GPM6A: variants seen among roughly 807,000 people sequenced by gnomAD.
GPM6A encodes neuronal membrane glycoprotein M6-a.
In GPM6A, 7 loss-of-function variants were observed where a neutral mutation model predicts 32.1. That is an observed-to-expected ratio of 0.22 (90% CI 0.12 to 0.41). The LOEUF is 0.41. Ranked by LOEUF, GPM6A falls within the 10% of genes least tolerant of loss-of-function variation. The pLI is 1.00. For synonymous variants in GPM6A, 130 were observed against 123.4 expected (o/e 1.05, Z -0.35); for missense variants, 235 against 347.2 (o/e 0.68, Z 2.57).
At chr4:175,666,586 T>A (rs954146344) in intron 3 of GPM6A, among the ~76,000 whole-genome samples, 1 of 152,198 alleles carries the variant, frequency 6.6e-6, no homozygotes, top group Non-Finnish European at 1.5e-5. Flanking sequence ...TATCAGTTCT[T>A]TAAAAGACCA....
intron 1 of GPM6A, among the ~76,000 whole-genome samples, chr4:175,981,891 C>T (rs1052880958): frequency 1.3e-5 from 2 of 151,974 alleles, no homozygotes; most frequent in Non-Finnish European, 2.9e-5. Flanking sequence ...TTGGTATTGT[C>T]AGGTTTTTTT....
chr4:175,826,839 T>C (rs1345176267), intron 1 of GPM6A, among the ~76,000 whole-genome samples: 1 of 152,138 alleles, frequency 6.6e-6, no homozygotes, highest in Non-Finnish European at 1.5e-5. Flanking sequence ...AAAAGAGTCC[T>C]AATGTTGATT....
intron 1 of GPM6A, among the ~76,000 whole-genome samples, chr4:175,706,961 A>G (rs1388132832): frequency 1.2e-4 from 19 of 152,228 alleles, no homozygotes; most frequent in Admixed American, 1.2e-3. Context: ...CACTCCCACC[A>G]GTGCTATGAC....
chr4:175,793,513 A>C (rs1734093705), intron 1 of GPM6A, among the ~76,000 whole-genome samples: 2 of 152,064 alleles, frequency 1.3e-5, no homozygotes, highest in Admixed American at 6.6e-5. Context: ...AGTAGCTGGG[A>C]ATATAGGCAT....
At chr4:175,862,729 T>C (rs921579189) in intron 1 of GPM6A, among the ~76,000 whole-genome samples, 1 of 151,756 alleles carries the variant, frequency 6.6e-6, no homozygotes, top group African/African-American at 2.4e-5. Flanking sequence ...GTTTTATGTT[T>C]TTGTCTTTTT....
At chr4:175,726,565 A>C (rs538577838) in intron 1 of GPM6A, among the ~76,000 whole-genome samples, 2 of 152,312 alleles carry the variant, frequency 1.3e-5, no homozygotes, top group African/African-American at 4.8e-5. Context: ...CTGAAGCTTT[A>C]CATTTTATAA....
intron 1 of GPM6A, among the ~76,000 whole-genome samples, chr4:175,770,452 G>A (rs950668667): frequency 2.0e-5 from 3 of 152,054 alleles, no homozygotes; most frequent in Non-Finnish European, 4.4e-5. Flanking sequence ...CATATAATTC[G>A]TGTTAGTAAT....
In GPM6A at chr4:175,919,756, A is replaced by C. The variant is rs1227594541; in HGVS notation, c.-23+82553T>G. On this transcript the variant is annotated intron_variant, in intron 1 of 7. Transcript: ENST00000280187. ...CCCAAGCTGTGATGAAGCTGGGTACAGTTATTGACCAAGTTATGGACAAGG... is the reference window on the plus strand; with the variant it reads ...CCCAAGCTGTGATGAAGCTGGGTACCGTTATTGACCAAGTTATGGACAAGG... 1.3e-5 allele frequency among the ~76,000 whole-genome samples: 2 copies of C among 152,218 alleles called. 1 individual carries two copies. Among genetic ancestry groups the C allele is most frequent in the South Asian group, 4.1e-4 (2 of 4,828 alleles).
chr4:175,694,478 A>G (rs769214942), intron 2 of GPM6A, among the ~76,000 whole-genome samples: 1 of 152,200 alleles, frequency 6.6e-6, no homozygotes, highest in Non-Finnish European at 1.5e-5. Flanking sequence ...TTTGTTATGC[A>G]TTAGCAAAGA....
chr4:175,936,328 A>C (rs78576533), intron 1 of GPM6A, among the ~76,000 whole-genome samples: 1,613 of 149,686 alleles, frequency 0.011, 16 homozygotes, highest in Non-Finnish European at 0.017. Context: ...AAAAAAAAAA[A>C]AAAAAAAACT....
chr4:175,967,307 C>T (rs918612396), intron 1 of GPM6A, among the ~76,000 whole-genome samples: 12 of 151,708 alleles, frequency 7.9e-5, no homozygotes, highest in East Asian at 1.9e-4. Context: ...TAAAGAATAG[C>T]TAAGAAAAAT....
chr4:175,704,319 TCTCA>T (rs1355871581), intron 1 of GPM6A, among the ~76,000 whole-genome samples: 4 of 150,022 alleles, frequency 2.7e-5, no homozygotes, highest in Non-Finnish European at 5.9e-5. Context: ...TCTCTCTTTC[TCTCA>T]CACACACACA....
Position 175,875,114 on chromosome 4 carries a change from G to A in GPM6A, c.-22-62865C>T, listed in dbSNP as rs141187682. ...AGCTTAGACAGAAAATTTACTCCTGGGACTTTGAACCTTGATGCAAGAATA... is the reference window on the plus strand; with the variant it reads ...AGCTTAGACAGAAAATTTACTCCTGAGACTTTGAACCTTGATGCAAGAATA... On this transcript the variant is annotated intron_variant, in intron 1 of 7. Transcript: ENST00000280187. Among the ~76,000 whole-genome samples the A allele has an allele frequency of 3.7e-3, 564 of 152,200 alleles. 3 individuals are homozygous for A. The highest frequency in any genetic ancestry group is 0.012 in the African/African-American group (516 of 41,514).
At position 175,752,540 on chromosome 4, in the gene GPM6A, G is replaced by A. The variant is rs111932294; in HGVS notation, c.38-50773C>T. Among the ~76,000 whole-genome samples the A allele has an allele frequency of 1.8e-3, 275 of 152,110 alleles. 1 individual carries two copies. Among genetic ancestry groups the A allele is most frequent in the African/African-American group, 5.4e-3 (225 of 41,526 alleles). On this transcript the variant is annotated intron_variant, in intron 1 of 6. Transcript: ENST00000393658. ...CCCTCCTCTATGCTCTAAAAAAGTC[G>A]GCTCCAAGAAGGAAGAATTATGCCA...
chr4:175,635,387 G>A (rs959295259), intron 6 of GPM6A, among the ~76,000 whole-genome samples: 2 of 151,878 alleles, frequency 1.3e-5, no homozygotes, highest in Admixed American at 6.6e-5. Flanking sequence ...TTCATTTCAT[G>A]TTCATGTATC....
chr4:175,914,741 G>GC (rs1364210595), intron 1 of GPM6A, among the ~76,000 whole-genome samples: 3 of 152,090 alleles, frequency 2.0e-5, no homozygotes, highest in East Asian at 1.9e-4. Context: ...TCAGAGCGAG[G>GC]GGGGGCCACT....
chr4:175,704,323 A>T (rs758037872), intron 1 of GPM6A, among the ~76,000 whole-genome samples: 186 of 142,552 alleles, frequency 1.3e-3, no homozygotes, highest in South Asian at 5.4e-3. Context: ...TCTTTCTCTC[A>T]CACACACACA....
rs951569918 is a variant in GPM6A, at chr4:175,725,175, T to A, written c.38-23408A>T. Among the ~76,000 whole-genome samples, 4 of 152,252 alleles carry A rather than the reference T, an allele frequency of 2.6e-5. No individual in the cohort carries two copies. The East Asian group carries it at 7.7e-4, about 29-fold the overall frequency. On this transcript the variant is annotated intron_variant, in intron 1 of 6. Coordinates refer to ENST00000393658, the MANE Select transcript of GPM6A (RefSeq NM_201591.3). ...TATTTTATTTTAGTGATAAAATACA[T>A]GTATAGTAATTAGAAGAGGATCTTG... is the stretch of plus-strand genomic sequence containing the variant.
intron 1 of GPM6A, among the ~76,000 whole-genome samples, chr4:175,880,636 T>G (rs1281308695): frequency 6.6e-6 from 1 of 152,198 alleles, no homozygotes; most frequent in Non-Finnish European, 1.5e-5. Flanking sequence ...AGTATTTTAT[T>G]GTCTTTGAAG....
Sources: allele counts gnomAD v4.1 joint callset (sites outside exome capture counted in the v4.1 genomes callset), GRCh38; gene constraint gnomAD v4.1.1; transcripts MANE v1.5; gene names NCBI Gene and HGNC (gene_info 2026-07-23, HGNC 2026-07-21).